The following RICTOR variants were observed in gnomAD, a reference collection of about 807,000 sequenced individuals.
RICTOR encodes rapamycin-insensitive companion of mTOR.
In RICTOR, 49 loss-of-function variants were observed where a neutral mutation model predicts 214.9. The observed-to-expected ratio is 0.23, with a 90% CI of 0.18 to 0.29. The LOEUF (loss-of-function observed/expected upper bound fraction) is 0.29, where lower values mean the gene tolerates loss of function less well. RICTOR is among the 10% of genes least tolerant of loss of function. The pLI, the probability that RICTOR is intolerant of heterozygous loss-of-function variation, is 1.00. For missense variants in RICTOR, 1,625 were observed against 2,047.0 expected, an observed-to-expected ratio of 0.79 and a Z score of 3.98; for synonymous variants, 717 against 711.3, an observed-to-expected ratio of 1.01 and a Z score of -0.13.
At chr5:39,032,780 G>T (rs1756363418) in intron 2 of RICTOR, among the ~76,000 whole-genome samples, 1 of 152,146 alleles carries the variant, frequency 6.6e-6, no homozygotes, top group East Asian at 1.9e-4. Flanking sequence ...AAACCATGAA[G>T]CACTTCTTGA....
intron 32 of RICTOR, 52 bp downstream of exon 32, chr5:38,947,212 T>C (rs909524592): frequency 3.6e-5 from 49 of 1,359,990 alleles, no homozygotes; most frequent in Non-Finnish European, 5.0e-5. Flanking sequence ...TTACAGCATA[T>C]GAAAAAATAG....
Position 38,938,488 on chromosome 5 carries a change from T to G in RICTOR, c.*3816A>C. On this transcript the variant is annotated 3_prime_UTR_variant, in exon 38 of 38. Transcript: ENST00000357387. The stretch of plus-strand genomic sequence containing the variant: ...AAGGTATGCTTTTTTTGGCATAAAT[T>G]ATATTTTTGAAATTAAATATTCTAT... 1 of 232,374 alleles carries G rather than the reference T, an allele frequency of 4.3e-6. No individual in the cohort carries two copies. The highest frequency in any genetic ancestry group is 6.1e-5 in the East Asian group (1 of 16,304). 14.4% of individuals were successfully genotyped at this position (232,374 alleles called of 1,614,324 possible).
chr5:38,942,454 T>C, intron 37 of RICTOR, 76 bp from the exon 38 acceptor site: 1 of 617,512 alleles, frequency 1.6e-6, no homozygotes, highest in Non-Finnish European at 2.5e-6. Context: ...AATATCTAAT[T>C]TTTTTTTTTT....
intron 11 of RICTOR, 154 bp downstream of exon 11, chr5:38,971,723 A>G: frequency 1.8e-6 from 1 of 545,862 alleles, no homozygotes; most frequent in Non-Finnish European, 3.2e-6. Context: ...TTAGGGTTTA[A>G]CTAAGTAGTA....
At chr5:38,962,393 G>A (rs1221565350) in intron 18 of RICTOR, 32 bp from the exon 19 acceptor site, 3 of 1,189,316 alleles carry the variant, frequency 2.5e-6, no homozygotes, top group African/African-American at 1.5e-5. Context: ...TATTACATAT[G>A]TACTTATCAA....
At chr5:38,973,848 A>G (rs1750985860) in intron 10 of RICTOR, among the ~76,000 whole-genome samples, 1 of 152,218 alleles carries the variant, frequency 6.6e-6, no homozygotes, top group African/African-American at 2.4e-5. Context: ...TTTTTCAATC[A>G]GTTATTTGGA....
At chr5:38,998,311 G>T (rs1753329670) in intron 5 of RICTOR, among the ~76,000 whole-genome samples, 1 of 152,182 alleles carries the variant, frequency 6.6e-6, no homozygotes, top group African/African-American at 2.4e-5. Context: ...TTGGCCTCCT[G>T]AGTAGCTGGG....
intron 7 of RICTOR, among the ~76,000 whole-genome samples, chr5:38,982,433 A>C (rs1207488854): frequency 6.6e-6 from 1 of 152,216 alleles, no homozygotes; most frequent in Non-Finnish European, 1.5e-5. Context: ...ACACACATAG[A>C]ACACACAGTT....
At chr5:38,944,310 C>T in intron 36 of RICTOR, 136 bp downstream of exon 36, 1 of 853,702 alleles carries the variant, frequency 1.2e-6, no homozygotes, top group Non-Finnish European at 2.0e-6. Flanking sequence ...GAAAATCTAG[C>T]CTCACACAGG....
Position 39,003,548 on chromosome 5 carries a change from C to T in RICTOR, c.260+10G>A. The T allele has an allele frequency of 6.3e-7, 1 of 1,579,560 alleles. No homozygotes were observed. Among genetic ancestry groups the T allele is most frequent in the Non-Finnish European group, 8.7e-7 (1 of 1,150,956 alleles). The stretch of plus-strand genomic sequence containing the variant: ...GAAAGGGATGGGAGGGGGGAATGAA[C>T]CACACTTACCAAATTATGATATCCT... On this transcript the variant is annotated intron_variant, in intron 4 of 37. Transcript: ENST00000357387.
chr5:39,026,291 A>T (rs1214280610), intron 2 of RICTOR, among the ~76,000 whole-genome samples: 2 of 152,124 alleles, frequency 1.3e-5, no homozygotes, highest in Non-Finnish European at 2.9e-5. Flanking sequence ...TGCAGTGGGC[A>T]GTGATCATGT....
intron 7 of RICTOR, among the ~76,000 whole-genome samples, chr5:38,987,153 G>A (rs1752236217): frequency 6.6e-6 from 1 of 152,076 alleles, no homozygotes; most frequent in Non-Finnish European, 1.5e-5. Context: ...TTTTCACATC[G>A]ATTTTCATCA....
At chr5:39,007,860 T>C (rs1334801645) in intron 3 of RICTOR, among the ~76,000 whole-genome samples, 5 of 150,092 alleles carry the variant, frequency 3.3e-5, no homozygotes, top group Admixed American at 1.3e-4. Flanking sequence ...TTGTAAAATA[T>C]TATTTTAAAT....
intron 15 of RICTOR, among the ~76,000 whole-genome samples, chr5:38,965,190 CCAGAAGGGA>C: frequency 6.6e-6 from 1 of 151,612 alleles, no homozygotes. Context: ...TTCTTAAATG[CCAGAAGGGA>C]TTATATGTCA....
Position 38,940,015 on chromosome 5 carries a change from TAG to T in RICTOR, c.*2287_*2288del. 5.3e-6 allele frequency: 1 copy of T among 187,842 alleles called. No homozygotes were observed. Among genetic ancestry groups the T allele is most frequent in the Non-Finnish European group, 9.8e-6 (1 of 102,020 alleles). The allele number at this position is 187,842 out of a possible 1,614,324, so 11.6% of individuals were successfully genotyped here. On this transcript the variant is annotated 3_prime_UTR_variant, in exon 38 of 38. Coordinates refer to ENST00000357387, the MANE Select transcript of RICTOR (RefSeq NM_152756.5). Reference sequence around the variant, plus strand: ...CCAAATAGCACTATAAATTTAAGCGTAGACTTTTTTTTTTTTTTAGTATACTG... The same window carrying T: ...CCAAATAGCACTATAAATTTAAGCGTACTTTTTTTTTTTTTTAGTATACTG...
At chr5:39,032,369 T>G (rs1756336610) in intron 2 of RICTOR, among the ~76,000 whole-genome samples, 1 of 152,130 alleles carries the variant, frequency 6.6e-6, no homozygotes, top group Non-Finnish European at 1.5e-5. Context: ...ATGGCAAAAA[T>G]AGTAAAGAAA....
chr5:38,999,287 C>T (rs1463701092), intron 5 of RICTOR, among the ~76,000 whole-genome samples: 1 of 148,874 alleles, frequency 6.7e-6, no homozygotes, highest in Non-Finnish European at 1.5e-5. Context: ...GAATATACAA[C>T]AGAGAAAAAA....
intron 10 of RICTOR, among the ~76,000 whole-genome samples, chr5:38,972,624 C>T (rs973319358): frequency 1.3e-5 from 2 of 151,970 alleles, no homozygotes; most frequent in African/African-American, 4.8e-5. Context: ...GACAAGGATG[C>T]AGAACAACTG....
intron 7 of RICTOR, among the ~76,000 whole-genome samples, chr5:38,990,514 C>A (rs1478187845): frequency 1.4e-5 from 2 of 147,252 alleles, no homozygotes; most frequent in Admixed American, 1.4e-4. Context: ...GATATATACA[C>A]GATATATATA....
Sources: allele counts gnomAD v4.1 joint callset (sites outside exome capture counted in the v4.1 genomes callset), GRCh38; gene constraint gnomAD v4.1.1; transcripts MANE v1.5; gene names NCBI Gene and HGNC (gene_info 2026-07-23, HGNC 2026-07-21).